The following ZFPM1 variants were observed in gnomAD, a reference collection of about 807,000 sequenced individuals.
The protein encoded by ZFPM1 is zinc finger protein, FOG family member 1.
In ZFPM1, 28 loss-of-function variants were observed where a neutral mutation model predicts 46.3. That is an observed-to-expected ratio of 0.60 (90% CI 0.45 to 0.83). The LOEUF (loss-of-function observed/expected upper bound fraction) is 0.83, where lower values mean the gene tolerates loss of function less well. ZFPM1 is among the 40% of genes least tolerant of loss of function. The probability of loss-of-function intolerance (pLI) is 0.00; values close to 1 mark genes in which losing one functional copy is unlikely to be tolerated. For missense variants in ZFPM1, 1,878 were observed against 1,432.4 expected (o/e 1.31, Z -5.02); for synonymous variants, 957 against 675.9 (o/e 1.42, Z -6.45).
rs116954242 is a variant in ZFPM1, at chr16:88,464,372, C to A, written c.40+10694C>A. On this transcript the variant is annotated intron_variant, in intron 1 of 9. Transcript: ENST00000319555. ...TATGCTCCCAGAGGGGACGGGACAC[C>A]CTGCAAGTCCCAAGGCAGGAGGACG... 2.4e-3 allele frequency among the ~76,000 whole-genome samples: 360 copies of A among 152,324 alleles called. 8 individuals carry two copies. The East Asian group carries it at 0.055, about 23-fold the overall frequency.
chr16:88,514,403 G>A lies in ZFPM1; in HGVS notation c.285G>A (p.Val95=). ...TCTCTGCAGACGAGCTGGAGCCGGT[G>A]GTGCAGGATGGGCAGAGGCGCATAC... The part of the protein sequence containing the change: ...PWSGPDELEP[V]VQDGQRRIRA... The change falls in exon 4 of 10, where the codon GTG becomes GTA. Residue 95 remains valine (V), a synonymous_variant. Transcript: ENST00000319555. 2 of 1,564,450 alleles carry A rather than the reference G, an allele frequency of 1.3e-6. No homozygotes were observed. Among genetic ancestry groups the A allele is most frequent in the South Asian group, 2.4e-5 (2 of 85,074 alleles).
chr16:88,492,116 C>A (rs1295121881), intron 3 of ZFPM1, among the ~76,000 whole-genome samples: 1 of 151,862 alleles, frequency 6.6e-6, no homozygotes, highest in Non-Finnish European at 1.5e-5. Flanking sequence ...TCGCCTTCTC[C>A]CTCTCTCCCT....
chr16:88,465,968 C>G (rs8047215), intron 1 of ZFPM1, among the ~76,000 whole-genome samples: 13,368 of 152,194 alleles, frequency 0.088, 1,982 homozygotes, highest in African/African-American at 0.31. Flanking sequence ...CCGCCGTGCA[C>G]GGGGGAAACC....
At chr16:88,488,370 C>T (rs943919957) in intron 2 of ZFPM1, among the ~76,000 whole-genome samples, 1 of 152,238 alleles carries the variant, frequency 6.6e-6, no homozygotes, top group Non-Finnish European at 1.5e-5. Flanking sequence ...GATAGCGTGG[C>T]GATGGGCGCG....
intron 3 of ZFPM1, among the ~76,000 whole-genome samples, chr16:88,503,668 G>A (rs1910501778): frequency 6.6e-6 from 1 of 152,182 alleles, no homozygotes; most frequent in African/African-American, 2.4e-5. Flanking sequence ...AGCACCCTCT[G>A]TGGCTTCCCA....
At chr16:88,462,305 C>T (rs1907933336) in intron 1 of ZFPM1, among the ~76,000 whole-genome samples, 1 of 152,246 alleles carries the variant, frequency 6.6e-6, no homozygotes. Context: ...AGTTCCCCAC[C>T]TGGAGCTGAA....
intron 3 of ZFPM1, among the ~76,000 whole-genome samples, chr16:88,502,065 C>CATTCATTCATTT (rs1555525783): frequency 1.5e-4 from 11 of 72,940 alleles, no homozygotes; most frequent in African/African-American, 5.6e-4. Context: ...CGCCCCCCCC[C>CATTCATTCATTT]ATTTATTTAT....
intron 1 of ZFPM1, among the ~76,000 whole-genome samples, chr16:88,458,065 A>G (rs1207455087): frequency 1.3e-5 from 2 of 152,194 alleles, no homozygotes; most frequent in Non-Finnish European, 2.9e-5. Flanking sequence ...TCTTCTGATC[A>G]CTATTTTACA....
intron 3 of ZFPM1, among the ~76,000 whole-genome samples, chr16:88,504,793 A>G (rs56801166): frequency 0.17 from 26,267 of 152,072 alleles, 2,935 homozygotes; most frequent in African/African-American, 0.31. Flanking sequence ...AGCTGTCCTC[A>G]AGGCCTCTGA....
rs184905539 is a variant in ZFPM1 at position 88,474,058 on chromosome 16, C to T, written c.41-11881C>T. On this transcript the variant is annotated intron_variant, in intron 1 of 9. Transcript: ENST00000319555. ...GCGTCGATAAAGTTTCCGAGTTCAGCGGTGATGAATGTTGAGTAAGCGCAG... is the reference window on the plus strand; with the variant it reads ...GCGTCGATAAAGTTTCCGAGTTCAGTGGTGATGAATGTTGAGTAAGCGCAG... Among the ~76,000 whole-genome samples the T allele has an allele frequency of 2.6e-3, 394 of 152,368 alleles. 2 individuals are homozygous for T. Among genetic ancestry groups the T allele is most frequent in the African/African-American group, 9.0e-3 (376 of 41,594 alleles).
intron 1 of ZFPM1, among the ~76,000 whole-genome samples, chr16:88,454,961 C>T (rs1232042398): frequency 6.6e-6 from 1 of 152,216 alleles, no homozygotes; most frequent in Admixed American, 6.5e-5. Flanking sequence ...GGGTCACAGG[C>T]ATGAACCGGT....
intron 1 of ZFPM1, among the ~76,000 whole-genome samples, chr16:88,476,413 T>G (rs1908689204): frequency 6.7e-6 from 1 of 149,200 alleles, no homozygotes; most frequent in Non-Finnish European, 1.5e-5. Flanking sequence ...TGAGCATACG[T>G]GAAGGGAGGG....
chr16:88,460,929 G>T (rs1459826933), intron 1 of ZFPM1, among the ~76,000 whole-genome samples: 1 of 89,152 alleles, frequency 1.1e-5, no homozygotes, highest in Non-Finnish European at 2.2e-5. Context: ...GGGCGGGGCG[G>T]GAGGCCTGGT....
At position 88,485,933 on chromosome 16, in the gene ZFPM1, C is replaced by G. The variant is rs765579803; in HGVS notation, c.41-6C>G. 4 of 1,612,672 alleles carry G rather than the reference C, an allele frequency of 2.5e-6. 1 individual carries two copies. In the South Asian group the frequency reaches 4.4e-5, roughly 18 times the overall value. ...CTCCCGAACCCCCATCGTCTTGTGT[C>G]CACAGGTTCCCTCGGAGACATGGAG... On this transcript the variant is annotated splice_polypyrimidine_tract_variant and splice_region_variant and intron_variant, in intron 1 of 9. Coordinates refer to ENST00000319555, the MANE Select transcript of ZFPM1 (RefSeq NM_153813.3).
At chr16:88,491,033 C>T (rs1485354245) in intron 3 of ZFPM1, among the ~76,000 whole-genome samples, 5 of 149,544 alleles carry the variant, frequency 3.3e-5, no homozygotes, top group East Asian at 3.9e-4. Context: ...CTCGGTCAGG[C>T]GCTGGTGCCT....
chr16:88,496,471 C>T (rs1048015769), intron 3 of ZFPM1, among the ~76,000 whole-genome samples: 5 of 152,058 alleles, frequency 3.3e-5, no homozygotes, highest in Non-Finnish European at 7.4e-5. Context: ...CGCCCCACCC[C>T]CACTGACTCC....
chr16:88,487,075 C>G (rs567303793), intron 2 of ZFPM1, among the ~76,000 whole-genome samples: 2 of 152,192 alleles, frequency 1.3e-5, no homozygotes, highest in Admixed American at 6.5e-5. Context: ...TTTCCCAAGC[C>G]GGAAGGAGGG....
intron 1 of ZFPM1, among the ~76,000 whole-genome samples, chr16:88,461,091 C>G (rs1907834715): frequency 2.2e-5 from 2 of 88,926 alleles, no homozygotes; most frequent in African/African-American, 1.1e-4. Flanking sequence ...CTGGTGAGGA[C>G]CAAGGGGCAG....
At chr16:88,526,999 G>C (rs1912389863) in intron 5 of ZFPM1, 83 bp downstream of exon 5, 5 of 1,483,876 alleles carry the variant, frequency 3.4e-6, no homozygotes, top group Non-Finnish European at 4.5e-6. Context: ...CCCTTAAAGG[G>C]AAACCAGCCT....
Sources: gnomAD v4.1 joint callset for allele counts (sites outside exome capture counted in the v4.1 genomes callset) on GRCh38, gnomAD v4.1.1 for gene constraint, MANE v1.5 for transcripts, NCBI Gene and HGNC (gene_info 2026-07-23, HGNC 2026-07-21) for gene names.